The following TET2 variants were observed in gnomAD, a reference collection of about 807,000 sequenced individuals.
TET2 encodes the protein methylcytosine dioxygenase TET2.
Under a neutral mutation model 142.9 loss-of-function variants are expected in TET2, and 299 were observed. The ratio of observed to expected loss-of-function variants is 2.09; its 90% confidence interval spans 1.90 to 2.30. The LOEUF is 2.30. TET2 is among the 30% of genes most tolerant of loss of function. TET2 has a pLI of 0.00. For missense variants in TET2, 2,418 were observed against 2,378.0 expected (o/e 1.02, Z -0.35); for synonymous variants, 819 against 849.0 (o/e 0.96, Z 0.61).
At chr4:105,214,495 G>A (rs1422454957) in intron 2 of TET2, among the ~76,000 whole-genome samples, 1 of 28,488 alleles carries the variant, frequency 3.5e-5, no homozygotes, top group Non-Finnish European at 7.0e-5. Flanking sequence ...TTTTTTTTTT[G>A]TAGAGAGGTT....
At chr4:105,164,909 CCTTTATTGT>C (rs1192808152) in intron 1 of TET2, among the ~76,000 whole-genome samples, 1 of 152,146 alleles carries the variant, frequency 6.6e-6, no homozygotes, top group African/African-American at 2.4e-5. Flanking sequence ...TCATGATCAT[CCTTTATTGT>C]CTTTATTAGA....
intron 1 of TET2, among the ~76,000 whole-genome samples, chr4:105,162,001 A>G (rs995213559): frequency 6.6e-6 from 1 of 152,248 alleles, no homozygotes; most frequent in African/African-American, 2.4e-5. Context: ...TAAATAGACT[A>G]TAGTAAAAGT....
At chr4:105,156,750 G>A (rs1282849935) in intron 1 of TET2, among the ~76,000 whole-genome samples, 10 of 152,194 alleles carry the variant, frequency 6.6e-5, no homozygotes, top group Admixed American at 6.5e-5. Flanking sequence ...ACTAAGAAGG[G>A]CACCCATTAA....
chr4:105,203,868 CCT>C (rs1553948892), intron 2 of TET2, among the ~76,000 whole-genome samples: 1 of 152,068 alleles, frequency 6.6e-6, no homozygotes, highest in Non-Finnish European at 1.5e-5. Context: ...TCCTCCCACC[CCT>C]GTTTTTTAAT....
In TET2 at chr4:105,190,429, G is replaced by T; in HGVS notation, c.-123G>T. On this transcript the variant is annotated 5_prime_UTR_variant, in exon 2 of 11. Transcript: ENST00000380013. ...GCCTTTGCTCCTGTTGAGTTACAAC[G>T]CTTGGAAGCAGGAGATGGGCTCAGC... 2 of 701,190 alleles carry T rather than the reference G, an allele frequency of 2.9e-6. No individual in the cohort carries two copies. The highest frequency in any genetic ancestry group is 5.2e-6 in the Non-Finnish European group (2 of 384,446). 43.4% of individuals were successfully genotyped at this position (701,190 alleles called of 1,614,324 possible). A position where few individuals can be genotyped will look rare whatever the true frequency, so the allele number is the denominator to read the frequency against.
intron 7 of TET2, among the ~76,000 whole-genome samples, chr4:105,260,601 G>A (rs867171882): frequency 3.3e-5 from 5 of 151,866 alleles, no homozygotes; most frequent in East Asian, 3.9e-4. Flanking sequence ...TTTGAATTTC[G>A]AATACAATTA....
chr4:105,211,070 C>T (rs1285399254), intron 2 of TET2, among the ~76,000 whole-genome samples: 6 of 152,290 alleles, frequency 3.9e-5, no homozygotes, highest in Middle Eastern at 3.4e-3. Flanking sequence ...TGAGAACTAA[C>T]TAGACCAGTT....
chr4:105,241,532 GTA>G lies in TET2; in HGVS notation c.3500+104_3500+105del. ...AAAGCAGTAAACAATTGTAAATTGA[GTA>G]ATTATTAGTAGGCTTAGCTATTCTA... On this transcript the variant is annotated intron_variant, in intron 4 of 10. Transcript: ENST00000380013. 6 of 1,468,032 alleles carry G rather than the reference GTA, an allele frequency of 4.1e-6. No individual in the cohort carries two copies. The South Asian group carries it at 8.9e-5, about 22-fold the overall frequency. The allele number at this position is 1,468,032 out of a possible 1,614,324, so 90.9% of individuals were successfully genotyped here.
In TET2 at chr4:105,234,249, C is replaced by T; in HGVS notation, c.307C>T (p.Leu103Phe). 6.2e-7 allele frequency: 1 copy of T among 1,614,136 alleles called. No homozygotes were observed. Among genetic ancestry groups the T allele is most frequent in the Non-Finnish European group, 8.5e-7 (1 of 1,180,010 alleles). Residue 103 changes from leucine (L) to phenylalanine (F), a missense_variant, in exon 3 of 11, where the codon CTC (leucine) becomes TTC (phenylalanine). By Grantham distance (22) the Leu-to-Phe change is conservative. Coordinates refer to ENST00000380013, the MANE Select transcript of TET2 (RefSeq NM_001127208.3). ...AAAACGCACAGTTAGTGAACCTTCT[C>T]TCTCTGGGCTCCTTCAGATCAAGAA... ...GIKRTVSEPSLSGLLQIKKLK... is the reference protein window; with the variant it reads ...GIKRTVSEPSFSGLLQIKKLK...
chr4:105,247,609 T>C (rs1176143164), intron 6 of TET2, among the ~76,000 whole-genome samples: 1 of 144,894 alleles, frequency 6.9e-6, no homozygotes, highest in Non-Finnish European at 1.5e-5. Context: ...TTCCCCACAT[T>C]CTGGATTTGG....
intron 2 of TET2, among the ~76,000 whole-genome samples, chr4:105,230,531 G>A (rs1049322610): frequency 6.6e-6 from 1 of 152,112 alleles, no homozygotes; most frequent in South Asian, 2.1e-4. Flanking sequence ...ACTAATTGGA[G>A]AAGAGAAAAA....
chr4:105,276,193 AC>A lies in TET2; in HGVS notation c.5685del (p.Arg1896GlyfsTer12). The A allele has an allele frequency of 1.3e-6, 2 of 1,551,586 alleles. No individual in the cohort carries two copies. Among genetic ancestry groups the A allele is most frequent in the Non-Finnish European group, 1.7e-6 (2 of 1,146,982 alleles). ...AAAGAATCCCAATAGGAATCACCCC[AC>A]CAGGATCTCCCTCGTCTTTTACCAG... ...PLKNPNRNHP[T>X]RISLVFYQHK... On this transcript the variant is annotated frameshift_variant, in exon 11 of 11. Transcript: ENST00000380013. LOFTEE classifies it high-confidence loss of function.
chr4:105,230,491 C>G (rs1728444173), intron 2 of TET2, among the ~76,000 whole-genome samples: 1 of 152,160 alleles, frequency 6.6e-6, no homozygotes, highest in Non-Finnish European at 1.5e-5. Context: ...GCTTGCCAAA[C>G]ATAGTATAGT....
rs556501440 is a variant in TET2, at chr4:105,201,683, G to A, written c.-47+11178G>A. ...AAGTTGAGGCTAGAATTCAATTAGTGCCAATACAGTTAAAATGGTATCATT... is the reference window on the plus strand; with the variant it reads ...AAGTTGAGGCTAGAATTCAATTAGTACCAATACAGTTAAAATGGTATCATT... On this transcript the variant is annotated intron_variant, in intron 2 of 10. Transcript: ENST00000380013. Among the ~76,000 whole-genome samples, 12 of 144,368 alleles carry A rather than the reference G, an allele frequency of 8.3e-5. No homozygotes were observed. The South Asian group carries it at 9.1e-4, about 11-fold the overall frequency. 94.7% of individuals were successfully genotyped at this position (144,368 alleles called of 152,430 possible).
chr4:105,225,912 A>T (rs1463876220), intron 2 of TET2, among the ~76,000 whole-genome samples: 3 of 152,196 alleles, frequency 2.0e-5, no homozygotes, highest in Non-Finnish European at 4.4e-5. Context: ...CAAAGAAGGG[A>T]TCAGAATAAC....
At chr4:105,165,829 C>T (rs1724123167) in intron 1 of TET2, among the ~76,000 whole-genome samples, 2 of 152,172 alleles carry the variant, frequency 1.3e-5, no homozygotes. Context: ...ATTTTAAATA[C>T]TACAATCTTA....
chr4:105,164,776 A>G (rs1249092482), intron 1 of TET2, among the ~76,000 whole-genome samples: 1 of 152,200 alleles, frequency 6.6e-6, no homozygotes, highest in Non-Finnish European at 1.5e-5. Flanking sequence ...TGACAGGGAG[A>G]TTGCACAAGT....
At chr4:105,222,790 C>G (rs891885323) in intron 2 of TET2, among the ~76,000 whole-genome samples, 2 of 151,644 alleles carry the variant, frequency 1.3e-5, no homozygotes, top group Non-Finnish European at 2.9e-5. Context: ...AGTCCTTGCC[C>G]GTGCCTATGT....
In TET2 at chr4:105,209,120, A is replaced by G. The variant is rs114369619; in HGVS notation, c.-47+18615A>G. ...ATATGTTTGAGCGAGGGGCACTTCT[A>G]GCAAAACTGAATACACTGGTATAAA... is the stretch of plus-strand genomic sequence containing the variant. On this transcript the variant is annotated intron_variant, in intron 2 of 10. Transcript: ENST00000380013. Among the ~76,000 whole-genome samples, 460 of 130,318 alleles carry G rather than the reference A, an allele frequency of 3.5e-3. 5 individuals carry two copies. The highest frequency in any genetic ancestry group is 0.019 in the South Asian group (73 of 3,890). 85.5% of individuals were successfully genotyped at this position (130,318 alleles called of 152,430 possible). A position where few individuals can be genotyped will look rare whatever the true frequency, so the allele number is the denominator to read the frequency against.
Sources: gnomAD v4.1 joint callset for allele counts (sites outside exome capture counted in the v4.1 genomes callset) on GRCh38, gnomAD v4.1.1 for gene constraint, MANE v1.5 for transcripts, NCBI Gene and HGNC (gene_info 2026-07-23, HGNC 2026-07-21) for gene names.